Variants in KCNQ3 observed in about 807,000 individuals in gnomAD.
KCNQ3 encodes the protein potassium voltage-gated channel subfamily Q member 3.
Under a neutral mutation model 92.5 loss-of-function variants are expected in KCNQ3, and 30 were observed. The observed-to-expected ratio is 0.32, with a 90% CI of 0.24 to 0.44. The LOEUF is 0.44. KCNQ3 is among the 20% of genes least tolerant of loss of function. The pLI is 1.00. For synonymous variants in KCNQ3, 450 were observed against 468.8 expected (o/e 0.96, Z 0.52); for missense variants, 913 against 1,140.3 (o/e 0.80, Z 2.87).
intron 1 of KCNQ3, among the ~76,000 whole-genome samples, chr8:132,392,790 C>CAAAAAAAAAAAAAA (rs56183412): frequency 8.3e-5 from 6 of 72,648 alleles, no homozygotes; most frequent in African/African-American, 4.2e-4. Flanking sequence ...GAACCTGTCT[C>CAAAAAAAAAAAAAA]AAAAAAAAAA....
At chr8:132,383,428 G>T (rs1819806336) in intron 1 of KCNQ3, among the ~76,000 whole-genome samples, 1 of 152,188 alleles carries the variant, frequency 6.6e-6, no homozygotes, top group South Asian at 2.1e-4. Flanking sequence ...GGGGAGGCTG[G>T]GTTGGCAGCA....
At chr8:132,383,851 A>T (rs1403910287) in intron 1 of KCNQ3, among the ~76,000 whole-genome samples, 15 of 152,170 alleles carry the variant, frequency 9.9e-5, no homozygotes, top group Admixed American at 9.8e-4. Context: ...CCTCTACAAC[A>T]TCCTGGCTGT....
At chr8:132,362,101 T>C (rs1263934767) in intron 1 of KCNQ3, among the ~76,000 whole-genome samples, 1 of 152,224 alleles carries the variant, frequency 6.6e-6, no homozygotes, top group Non-Finnish European at 1.5e-5. Flanking sequence ...TCCTAAAATG[T>C]TGATAGTGCT....
At chr8:132,432,352 C>T (rs1031640590) in intron 1 of KCNQ3, among the ~76,000 whole-genome samples, 5 of 127,784 alleles carry the variant, frequency 3.9e-5, no homozygotes, top group African/African-American at 6.2e-5. Flanking sequence ...AAAATGAATA[C>T]GGCAAAAAAA....
intron 1 of KCNQ3, among the ~76,000 whole-genome samples, chr8:132,465,254 T>C (rs72723107): frequency 0.086 from 13,022 of 152,266 alleles, 564 homozygotes; most frequent in African/African-American, 0.1. Flanking sequence ...TGCTAATGTT[T>C]CTCACATTAT....
intron 1 of KCNQ3, among the ~76,000 whole-genome samples, chr8:132,337,337 A>T (rs1818393271): frequency 1.3e-5 from 2 of 152,196 alleles, no homozygotes; most frequent in African/African-American, 4.8e-5. Context: ...TCTCTATAAA[A>T]ATTTTAAAAG....
At chr8:132,180,464 G>T in intron 3 of KCNQ3, 135 bp from the exon 4 acceptor site, 2 of 878,096 alleles carry the variant, frequency 2.3e-6, no homozygotes, top group Non-Finnish European at 3.7e-6. Flanking sequence ...CACTGCTGTT[G>T]AATCTTGCCA....
chr8:132,215,890 C>T (rs2130316888), intron 1 of KCNQ3, among the ~76,000 whole-genome samples: 1 of 152,282 alleles, frequency 6.6e-6, no homozygotes, highest in South Asian at 2.1e-4. Flanking sequence ...GTGCCTCTCT[C>T]CTTCTCTTCT....
intron 1 of KCNQ3, among the ~76,000 whole-genome samples, chr8:132,363,890 CCTAA>C (rs1819241298): frequency 6.6e-6 from 1 of 151,688 alleles, no homozygotes; most frequent in Admixed American, 6.6e-5. Context: ...CTAGTTTATC[CCTAA>C]CTGACCCTGT....
chr8:132,234,831 C>T (rs1042458982), intron 1 of KCNQ3, among the ~76,000 whole-genome samples: 3 of 152,296 alleles, frequency 2.0e-5, no homozygotes, highest in African/African-American at 7.2e-5. Flanking sequence ...CTGGACTATG[C>T]ACTCCTCTCC....
At chr8:132,386,114 A>G (rs1304537459) in intron 1 of KCNQ3, among the ~76,000 whole-genome samples, 1 of 152,196 alleles carries the variant, frequency 6.6e-6, no homozygotes, top group African/African-American at 2.4e-5. Flanking sequence ...ATCTTGATAC[A>G]CGTTCCTAAA....
chr8:132,221,491 T>C (rs939130652), intron 1 of KCNQ3, among the ~76,000 whole-genome samples: 4 of 152,228 alleles, frequency 2.6e-5, no homozygotes, highest in African/African-American at 9.6e-5. Context: ...TTTCCTGACT[T>C]TTTAATGATC....
intron 1 of KCNQ3, among the ~76,000 whole-genome samples, chr8:132,459,145 C>T (rs902110667): frequency 3.3e-5 from 5 of 152,184 alleles, no homozygotes; most frequent in African/African-American, 9.6e-5. Flanking sequence ...CATAATTAAA[C>T]GGGGGTTATG....
At chr8:132,224,081 ATTTTTTT>A (rs1164773143) in intron 1 of KCNQ3, among the ~76,000 whole-genome samples, 12 of 39,472 alleles carry the variant, frequency 3.0e-4, no homozygotes, top group East Asian at 2.4e-3. Context: ...ATGCCAGGCT[ATTTTTTT>A]TTTTTTTTTT....
At chr8:132,345,805 C>T (rs1203789329) in intron 1 of KCNQ3, among the ~76,000 whole-genome samples, 1 of 151,848 alleles carries the variant, frequency 6.6e-6, no homozygotes, top group East Asian at 1.9e-4. Context: ...GCTACATTAA[C>T]AATGATGATG....
chr8:132,363,116 G>A (rs999270795), intron 1 of KCNQ3, among the ~76,000 whole-genome samples: 1 of 152,152 alleles, frequency 6.6e-6, no homozygotes, highest in African/African-American at 2.4e-5. Context: ...GAAGCAAGCA[G>A]TTCACTCAAT....
At chr8:132,213,622 T>G (rs1030235198) in intron 1 of KCNQ3, among the ~76,000 whole-genome samples, 1 of 152,198 alleles carries the variant, frequency 6.6e-6, no homozygotes, top group African/African-American at 2.4e-5. Flanking sequence ...ACCCTTGTTC[T>G]GTTCCTCCCT....
At chr8:132,447,630 T>C (rs981155559) in intron 1 of KCNQ3, among the ~76,000 whole-genome samples, 1 of 152,066 alleles carries the variant, frequency 6.6e-6, no homozygotes, top group African/African-American at 2.4e-5. Flanking sequence ...AGAAAATCAA[T>C]AGAAGTGCCT....
At chr8:132,144,457 A>G (rs561153324) in intron 9 of KCNQ3, among the ~76,000 whole-genome samples, 1 of 152,324 alleles carries the variant, frequency 6.6e-6, no homozygotes, top group South Asian at 2.1e-4. Flanking sequence ...TTGTTCTAGG[A>G]GGGCACTGCA....
Sources: gnomAD v4.1 joint callset for allele counts (sites outside exome capture counted in the v4.1 genomes callset) on GRCh38, gnomAD v4.1.1 for gene constraint, MANE v1.5 for transcripts, NCBI Gene and HGNC (gene_info 2026-07-23, HGNC 2026-07-21) for gene names.